The following TNS1 variants were observed in gnomAD, a reference collection of about 807,000 sequenced individuals.
TNS1 encodes tensin 1, also known as tensin-1.
TNS1 carries 62 observed loss-of-function variants against 168.6 expected under a neutral mutation model. The observed-to-expected ratio is 0.37, with a 90% CI of 0.30 to 0.45. TNS1 has a LOEUF of 0.45. Ranked by LOEUF, TNS1 falls within the 20% of genes least tolerant of loss-of-function variation. The probability of loss-of-function intolerance (pLI) is 1.00; values close to 1 mark genes in which losing one functional copy is unlikely to be tolerated. For missense variants in TNS1, 2,240 were observed against 2,339.4 expected (o/e 0.96, Z 0.88); for synonymous variants, 934 against 933.2 (o/e 1.00, Z -0.02).
rs759181826 is a variant in TNS1 at position 217,991,040 on chromosome 2, G to A, written c.50C>T (p.Ala17Val). ...CACCTTGAAGCGGTGTGTCTTGGGG[G>A]CCTCCAGATCCTCTGGCTGTGGGAG... is the stretch of plus-strand genomic sequence containing the variant. The part of the protein sequence containing the change: ...SCMLWPEDLE[A>V]PKTHRFKVKT... The change falls in exon 2 of 33, where the codon GCC becomes GTC. Residue 17 changes from alanine (A) to valine (V), a missense_variant. By Grantham distance (64) the Ala-to-Val change is moderately conservative. Around this residue, in one of 2 missense-constraint regions of TNS1, gnomAD observed 2,131 missense variants for 2,171.2 expected, o/e 0.98. Transcript: ENST00000682258. 2.5e-5 allele frequency: 17 copies of A among 682,722 alleles called. No individual in the cohort carries two copies. In the South Asian group the frequency reaches 2.6e-4, roughly 11 times the overall value. The allele number at this position is 682,722 out of a possible 1,614,324, so 42.3% of individuals were successfully genotyped here.
upstream of TNS1, among the ~76,000 whole-genome samples, chr2:218,014,431 G>C (rs1156975395): frequency 6.6e-6 from 1 of 152,146 alleles, no homozygotes; most frequent in African/African-American, 2.4e-5. Flanking sequence ...ACCCACACCA[G>C]GGATGGATTT....
In TNS1 at chr2:217,881,425, G is replaced by T. The variant is rs192635882; in HGVS notation, c.1313-411C>A. The T allele has an allele frequency of 5.6e-4, 96 of 172,378 alleles. 1 individual carries two copies. Among genetic ancestry groups the T allele is most frequent in the African/African-American group, 2.0e-3 (86 of 42,080 alleles). The allele number at this position is 172,378 out of a possible 1,614,324, so 10.7% of individuals were successfully genotyped here. A position where few individuals can be genotyped will look rare whatever the true frequency, so the allele number is the denominator to read the frequency against. On this transcript the variant is annotated intron_variant, in intron 17 of 32. Transcript: ENST00000682258. ...GGGGCAGGCTGCTTATGAGCTACGT[G>T]GGATCAGGGACAGCAGGGAAATCAC...
At chr2:217,901,144 A>G (rs1952927203) in intron 6 of TNS1, among the ~76,000 whole-genome samples, 13 of 152,114 alleles carry the variant, frequency 8.5e-5, no homozygotes, top group Admixed American at 7.9e-4. Context: ...GAGTGGTACA[A>G]ACTTAAGCAA....
chr2:217,917,973 G>T (rs1456343918), intron 4 of TNS1, among the ~76,000 whole-genome samples: 1 of 152,104 alleles, frequency 6.6e-6, no homozygotes, highest in Non-Finnish European at 1.5e-5. Context: ...AGGCCGGGCG[G>T]CTGAAACAGA....
chr2:217,940,214 G>GTCC (rs1027199130), intron 3 of TNS1, among the ~76,000 whole-genome samples: 5 of 152,328 alleles, frequency 3.3e-5, no homozygotes, highest in Non-Finnish European at 5.9e-5. Flanking sequence ...GTCTAGGCCA[G>GTCC]TCCTCCCAAA....
chr2:218,022,981 A>G (rs1163383655), intron 1 of TNS1, among the ~76,000 whole-genome samples: 1 of 152,138 alleles, frequency 6.6e-6, no homozygotes, highest in Non-Finnish European at 1.5e-5. Flanking sequence ...CCCCAACCTC[A>G]AAGAAGGTGA....
chr2:217,941,464 CG>C (rs1956908129), intron 3 of TNS1, among the ~76,000 whole-genome samples: 1 of 152,192 alleles, frequency 6.6e-6, no homozygotes, highest in African/African-American at 2.4e-5. Context: ...AGTTGAGCCA[CG>C]GGTGTGAGGG....
chr2:217,906,816 T>G (rs1048837020), intron 5 of TNS1, among the ~76,000 whole-genome samples: 47 of 152,284 alleles, frequency 3.1e-4, no homozygotes, highest in Non-Finnish European at 5.9e-5. Context: ...CCTCCCTTCA[T>G]CTTCCGCATA....
chr2:217,965,211 C>G (rs916285465), intron 3 of TNS1, among the ~76,000 whole-genome samples: 4 of 152,278 alleles, frequency 2.6e-5, no homozygotes, highest in Admixed American at 2.6e-4. Context: ...ATCCTAGGAT[C>G]TCAGAAGAAT....
chr2:217,895,780 G>A (rs1382835720), intron 8 of TNS1, among the ~76,000 whole-genome samples: 2 of 152,114 alleles, frequency 1.3e-5, no homozygotes, highest in Non-Finnish European at 2.9e-5. Flanking sequence ...TACCTCCGAG[G>A]GGGGCATGCA....
rs373662561 is a variant in TNS1 at position 217,958,610 on chromosome 2, C to T, written c.186+20155G>A. On this transcript the variant is annotated intron_variant, in intron 3 of 32. Transcript: ENST00000682258. The stretch of plus-strand genomic sequence containing the variant: ...CATGGGTAGACCTAACCATGTCCAT[C>T]TTACAGACAGGTAAAGTGTGACTGA... 2.1e-4 allele frequency among the ~76,000 whole-genome samples: 32 copies of T among 152,350 alleles called. No individual in the cohort carries two copies. In the East Asian group the frequency reaches 3.5e-3, roughly 17 times the overall value.
intron 18 of TNS1, among the ~76,000 whole-genome samples, chr2:217,866,221 C>T (rs1334604167): frequency 6.6e-6 from 1 of 152,172 alleles, no homozygotes; most frequent in Non-Finnish European, 1.5e-5. Context: ...AGCCAAAGAG[C>T]CAGAATTCTA....
chr2:217,979,046 A>G (rs1251212002), intron 2 of TNS1: 1 of 449,092 alleles, frequency 2.2e-6, no homozygotes, highest in East Asian at 3.9e-5. Context: ...CCAGAGCCAG[A>G]GCCCCTCCGG....
At chr2:217,941,751 ATGC>A (rs2125940980) in intron 3 of TNS1, among the ~76,000 whole-genome samples, 1 of 152,182 alleles carries the variant, frequency 6.6e-6, no homozygotes, top group Admixed American at 6.5e-5. Context: ...CCAGTACAAG[ATGC>A]TCTCCACCTT....
intron 12 of TNS1, 27 bp from the exon 13 acceptor site, chr2:217,886,673 G>T: frequency 1.3e-6 from 2 of 1,525,796 alleles, no homozygotes; most frequent in South Asian, 1.2e-5. Flanking sequence ...AGCAGCTTCA[G>T]GGAGTGAGGT....
chr2:217,835,538 T>A (rs1366417958), intron 20 of TNS1, among the ~76,000 whole-genome samples: 1 of 152,198 alleles, frequency 6.6e-6, no homozygotes, highest in East Asian at 1.9e-4. Context: ...GAAGCTACAG[T>A]TTTAACAAGC....
chr2:218,013,447 T>C (rs539797857), upstream of TNS1, among the ~76,000 whole-genome samples: 7 of 152,132 alleles, frequency 4.6e-5, no homozygotes, highest in Admixed American at 2.0e-4. Flanking sequence ...GGGCAGGTTC[T>C]GGGCTGCCCT....
rs1412949979 is a variant in TNS1, at chr2:217,886,115, G to A, written c.980-11C>T. 2.0e-5 allele frequency: 33 copies of A among 1,613,816 alleles called. No individual in the cohort carries two copies. Among genetic ancestry groups the A allele is most frequent in the Non-Finnish European group, 2.7e-5 (32 of 1,179,954 alleles). Reference sequence around the variant, plus strand: ...GAAATGGCCGACATCCTGTAAAAGTGGGGTGGGTGTTAGCTAAGACAGCAG... The same window carrying A: ...GAAATGGCCGACATCCTGTAAAAGTAGGGTGGGTGTTAGCTAAGACAGCAG... On this transcript the variant is annotated splice_polypyrimidine_tract_variant and intron_variant, in intron 13 of 32. Transcript: ENST00000682258.
intron 22 of TNS1, chr2:217,830,054 A>G (rs1944193253): frequency 2.2e-6 from 2 of 928,986 alleles, no homozygotes; most frequent in Non-Finnish European, 2.6e-6. Flanking sequence ...GGGTGAGGCC[A>G]GGGCCGATTT....
Sources: gnomAD v4.1 joint callset for allele counts (sites outside exome capture counted in the v4.1 genomes callset) on GRCh38, gnomAD v4.1.1 for gene constraint, gnomAD v4.1.1 regional missense constraint, MANE v1.5 for transcripts, NCBI Gene and HGNC (gene_info 2026-07-23, HGNC 2026-07-21) for gene names.